The following DLGAP2 variants were observed in gnomAD, a reference collection of about 807,000 sequenced individuals.
DLGAP2 encodes the protein DLG associated protein 2.
In DLGAP2, 26 loss-of-function variants were observed where a neutral mutation model predicts 100.3. That is an observed-to-expected ratio of 0.26 (90% CI 0.19 to 0.36). DLGAP2 has a LOEUF of 0.36. Among genes scored for constraint, DLGAP2 ranks in the 10% least tolerant of loss-of-function variants. The pLI is 1.00. For synonymous variants in DLGAP2, 886 were observed against 630.1 expected (o/e 1.41, Z -6.08); for missense variants, 1,858 against 1,453.2 (o/e 1.28, Z -4.53).
chr8:1,071,842 TA>T (rs1301244379), intron 2 of DLGAP2, among the ~76,000 whole-genome samples: 1 of 152,204 alleles, frequency 6.6e-6, no homozygotes, highest in Admixed American at 6.5e-5. Context: ...GTCAAACATT[TA>T]AAAAGTGACA....
chr8:1,032,020 A>T (rs1007963791), intron 2 of DLGAP2, among the ~76,000 whole-genome samples: 1 of 152,112 alleles, frequency 6.6e-6, no homozygotes, highest in African/African-American at 2.4e-5. Context: ...GTGGGAGCTG[A>T]TTACTGATGG....
At chr8:1,287,612 T>TAG (rs1554538908) in intron 3 of DLGAP2, among the ~76,000 whole-genome samples, 1 of 88,276 alleles carries the variant, frequency 1.1e-5, no homozygotes, top group Non-Finnish European at 2.1e-5. Flanking sequence ...GTGGTTCTGT[T>TAG]AGGGGAACTA....
chr8:1,170,944 C>G (rs948249412), intron 2 of DLGAP2, among the ~76,000 whole-genome samples: 1 of 150,346 alleles, frequency 6.7e-6, no homozygotes, highest in African/African-American at 2.4e-5. Flanking sequence ...TGTGTTTGCT[C>G]TTGCTTCTCT....
rs541363239 is a variant in DLGAP2 at position 847,438 on chromosome 8, A to G, written c.19-60474A>G. On this transcript the variant is annotated intron_variant, in intron 1 of 14. Coordinates refer to ENST00000637795, the MANE Select transcript of DLGAP2 (RefSeq NM_001346810.2). Reference sequence around the variant, plus strand: ...TTACACTTTTTTTCCCTTCTTTTTCATGTAACTCTGACCAGAATTTTAAAA... The same window carrying G: ...TTACACTTTTTTTCCCTTCTTTTTCGTGTAACTCTGACCAGAATTTTAAAA... 3.3e-5 allele frequency among the ~76,000 whole-genome samples: 5 copies of G among 151,878 alleles called. No homozygotes were observed. In the South Asian group the frequency reaches 1.0e-3, roughly 32 times the overall value.
chr8:1,266,539 G>T (rs577524959), intron 3 of DLGAP2, among the ~76,000 whole-genome samples: 49 of 152,180 alleles, frequency 3.2e-4, no homozygotes, highest in Non-Finnish European at 5.4e-4. Flanking sequence ...AATCCTGTCA[G>T]TTCCTCCTCT....
At chr8:1,331,902 G>T (rs1264023427) in intron 3 of DLGAP2, among the ~76,000 whole-genome samples, 1 of 152,218 alleles carries the variant, frequency 6.6e-6, no homozygotes, top group Non-Finnish European at 1.5e-5. Flanking sequence ...ACTGGGGTCA[G>T]GGAGCCATGT....
intron 4 of DLGAP2, among the ~76,000 whole-genome samples, chr8:1,516,954 C>G (rs971441686): frequency 2.6e-5 from 4 of 152,158 alleles, no homozygotes; most frequent in African/African-American, 9.7e-5. Context: ...AATGAAGCAC[C>G]TCATCCACTG....
intron 2 of DLGAP2, among the ~76,000 whole-genome samples, chr8:1,049,114 C>G (rs1191835865): frequency 6.6e-6 from 1 of 152,226 alleles, no homozygotes; most frequent in Non-Finnish European, 1.5e-5. Context: ...GGGGAAGCAT[C>G]TTGTGGCGGG....
intron 5 of DLGAP2, among the ~76,000 whole-genome samples, chr8:1,551,577 G>T (rs78518078): frequency 6.6e-6 from 1 of 152,060 alleles, no homozygotes; most frequent in Non-Finnish European, 1.5e-5. Context: ...GCTATTCCAC[G>T]GTCTAGGTGC....
intron 3 of DLGAP2, among the ~76,000 whole-genome samples, chr8:1,268,772 G>A (rs56384711): frequency 0.011 from 1,639 of 152,282 alleles, 26 homozygotes; most frequent in African/African-American, 0.038. Context: ...TCCCAATTAT[G>A]CACCTCATGT....
chr8:1,547,152 A>G (rs1246220097), intron 4 of DLGAP2, among the ~76,000 whole-genome samples: 1 of 152,146 alleles, frequency 6.6e-6, no homozygotes, highest in Admixed American at 6.5e-5. Context: ...GCAGACTCAC[A>G]GGGACGTGCG....
At chr8:891,791 G>T (rs1177629009) in intron 1 of DLGAP2, among the ~76,000 whole-genome samples, 1 of 152,188 alleles carries the variant, frequency 6.6e-6, no homozygotes, top group Admixed American at 6.5e-5. Flanking sequence ...GACGGGGAGG[G>T]CCTGGGAGAG....
At chr8:1,271,664 G>A (rs905919510) in intron 3 of DLGAP2, among the ~76,000 whole-genome samples, 3 of 152,214 alleles carry the variant, frequency 2.0e-5, no homozygotes, top group African/African-American at 4.8e-5. Context: ...CACAAGTGGT[G>A]AACTCATAGA....
chr8:1,218,241 AT>A (rs1307801877), intron 2 of DLGAP2, among the ~76,000 whole-genome samples: 1 of 152,162 alleles, frequency 6.6e-6, no homozygotes, highest in Non-Finnish European at 1.5e-5. Context: ...TAAGGCTTTG[AT>A]CCATCTTGAG....
At chr8:1,409,725 A>G (rs772724028) in intron 3 of DLGAP2, among the ~76,000 whole-genome samples, 2 of 152,152 alleles carry the variant, frequency 1.3e-5, no homozygotes, top group African/African-American at 4.8e-5. Flanking sequence ...CCCCCAGTCC[A>G]TGAGGGCTCA....
At chr8:1,500,061 A>G (rs1414698726) in intron 3 of DLGAP2, among the ~76,000 whole-genome samples, 1 of 152,260 alleles carries the variant, frequency 6.6e-6, no homozygotes, top group Non-Finnish European at 1.5e-5. Context: ...GTGTGTGAAT[A>G]CATGCCTAGA....
intron 2 of DLGAP2, among the ~76,000 whole-genome samples, chr8:1,202,319 C>T (rs1010742762): frequency 1.2e-4 from 16 of 138,044 alleles, no homozygotes; most frequent in African/African-American, 4.2e-4. Flanking sequence ...TGTGTATGTA[C>T]TGGGGGTGAG....
chr8:1,023,623 G>T (rs1801690981), intron 2 of DLGAP2, among the ~76,000 whole-genome samples: 2 of 151,056 alleles, frequency 1.3e-5, no homozygotes, highest in East Asian at 4.7e-4. Context: ...TCCTGCTCAG[G>T]ACCTGGTGAT....
chr8:1,592,580 C>T (rs976371131), intron 6 of DLGAP2, among the ~76,000 whole-genome samples: 3 of 152,102 alleles, frequency 2.0e-5, no homozygotes, highest in African/African-American at 7.2e-5. Flanking sequence ...GTTCCCACCA[C>T]GGATTTCCTT....
Sources: gnomAD v4.1 joint callset for allele counts (sites outside exome capture counted in the v4.1 genomes callset) on GRCh38, gnomAD v4.1.1 for gene constraint, MANE v1.5 for transcripts, NCBI Gene and HGNC (gene_info 2026-07-23, HGNC 2026-07-21) for gene names.